FAM114A2: variants seen among roughly 807,000 people sequenced by gnomAD.
FAM114A2 encodes protein FAM114A2.
FAM114A2 carries 53 observed loss-of-function variants against 58.4 expected under a neutral mutation model. The ratio of observed to expected loss-of-function variants is 0.91; its 90% CI spans 0.73 to 1.14. FAM114A2 has a LOEUF of 1.14. Ranked by LOEUF, FAM114A2 falls within the 50% of genes most tolerant of loss-of-function variation. The probability of loss-of-function intolerance (pLI) is 0.00; values close to 1 mark genes in which losing one functional copy is unlikely to be tolerated. For synonymous variants in FAM114A2, 228 were observed against 211.4 expected, an observed-to-expected ratio of 1.08 and a Z score of -0.68; for missense variants, 601 against 581.1, an observed-to-expected ratio of 1.03 and a Z score of -0.35.
At chr5:154,022,103 G>A (rs879814797) in intron 8 of FAM114A2, among the ~76,000 whole-genome samples, 27 of 152,178 alleles carry the variant, frequency 1.8e-4, no homozygotes, top group Non-Finnish European at 3.7e-4. Context: ...GGAGAAAGCT[G>A]AAACTGGATC....
intron 8 of FAM114A2, among the ~76,000 whole-genome samples, chr5:154,013,731 T>G (rs1281925057): frequency 6.6e-6 from 1 of 152,214 alleles, no homozygotes; most frequent in Admixed American, 6.5e-5. Flanking sequence ...AGGACTGTCA[T>G]GTCAAGGCTT....
At chr5:154,033,913 T>C (rs779062930) in intron 3 of FAM114A2, 30 bp from the exon 4 acceptor site, 1 of 1,389,318 alleles carries the variant, frequency 7.2e-7, no homozygotes, top group Non-Finnish European at 1.0e-6. Flanking sequence ...TTTTTTTTGC[T>C]ATTTGTCACC....
rs772946544 is a variant in FAM114A2, at chr5:154,027,336, TAA to T, written c.631-4_631-3del. ...TTTCTCCTTCGCCTCTCGTAAAACC[TAA>T]AAAGAGATGGAGGCATTACACTGTA... On this transcript the variant is annotated splice_polypyrimidine_tract_variant and splice_region_variant and intron_variant, in intron 6 of 13. Transcript: ENST00000351797. 2 of 1,607,746 alleles carry T rather than the reference TAA, an allele frequency of 1.2e-6. No individual in the cohort carries two copies. Among genetic ancestry groups the T allele is most frequent in the South Asian group, 2.2e-5 (2 of 89,860 alleles).
rs540576105 is a variant in FAM114A2 at position 154,017,286 on chromosome 5, T to C, written c.914-5966A>G. On this transcript the variant is annotated intron_variant, in intron 8 of 13. Coordinates refer to ENST00000351797, the MANE Select transcript of FAM114A2 (RefSeq NM_018691.4). ...AGAGAAACCCCGTCTCTACTAAAAA[T>C]ACAAAATTAGCCAGGCGTGGTGGCA... 1.2e-4 allele frequency among the ~76,000 whole-genome samples: 18 copies of C among 152,040 alleles called. No individual in the cohort carries two copies. In the South Asian group the frequency reaches 3.7e-3, roughly 32 times the overall value.
intron 1 of FAM114A2, chr5:154,038,612 TG>T (rs1772767282): frequency 6.6e-6 from 1 of 152,234 alleles, no homozygotes; most frequent in Non-Finnish European, 1.5e-5. Context: ...CATTCAAGAA[TG>T]GGGTCCCAAA....
rs781782618 is a variant in FAM114A2, at chr5:154,028,137, G to A, written c.630+12C>T. ...CAGAAACAGGAAGTAAACAGGTAAG[G>A]ATAATCAGTACCTGAGATAGTGTAG... On this transcript the variant is annotated intron_variant, in intron 6 of 13. Transcript: ENST00000351797. The A allele has an allele frequency of 6.2e-7, 1 of 1,602,012 alleles. No homozygotes were observed. Among genetic ancestry groups the A allele is most frequent in the South Asian group, 1.1e-5 (1 of 89,468 alleles).
Position 154,002,927 on chromosome 5 carries a change from TGGTCAGA to T in FAM114A2, c.1029_1035del (p.Leu344SerfsTer3). The T allele has an allele frequency of 6.2e-7, 1 of 1,613,956 alleles. No homozygotes were observed. The highest frequency in any genetic ancestry group is 8.5e-7 in the Non-Finnish European group (1 of 1,179,852). On this transcript the variant is annotated frameshift_variant, in exon 10 of 14. Coordinates refer to ENST00000351797, the MANE Select transcript of FAM114A2 (RefSeq NM_018691.4). LOFTEE classifies it high-confidence loss of function. ...CCTTCTTCATTCTCTGCTAATGGCT[TGGTCAGA>T]GACTTCCTGATCCATTCGTGGGCGG... is the stretch of plus-strand genomic sequence containing the variant.
chr5:154,006,982 A>G (rs1408609086), intron 9 of FAM114A2, among the ~76,000 whole-genome samples: 1 of 151,968 alleles, frequency 6.6e-6, no homozygotes, highest in African/African-American at 2.4e-5. Context: ...GTTTTAATAC[A>G]GACGGAGTTT....
At chr5:154,016,280 A>G (rs1419984577) in intron 8 of FAM114A2, among the ~76,000 whole-genome samples, 1 of 152,224 alleles carries the variant, frequency 6.6e-6, no homozygotes, top group African/African-American at 2.4e-5. Flanking sequence ...TGGGAAATTC[A>G]TCGCAAAAAG....
In FAM114A2 at chr5:153,992,911, G is replaced by C. The variant is rs1250874074; in HGVS notation, c.*65C>G. On this transcript the variant is annotated 3_prime_UTR_variant, in exon 14 of 14. Coordinates refer to ENST00000351797, the MANE Select transcript of FAM114A2 (RefSeq NM_018691.4). ...TAACCCCACTCCTTCATTTCTGCAG[G>C]AGTAGCCAGAATAAGGTGGCATTCC... 2 of 1,462,340 alleles carry C rather than the reference G, an allele frequency of 1.4e-6. No individual in the cohort carries two copies. The highest frequency in any genetic ancestry group is 1.9e-6 in the Non-Finnish European group (2 of 1,062,006). 90.6% of individuals were successfully genotyped at this position (1,462,340 alleles called of 1,614,324 possible). A position where few individuals can be genotyped will look rare whatever the true frequency, so the allele number is the denominator to read the frequency against.
Position 154,027,193 on chromosome 5 carries a change from G to A in FAM114A2, c.772C>T (p.Gln258Ter). 1 of 1,608,896 alleles carries A rather than the reference G, an allele frequency of 6.2e-7. No individual in the cohort carries two copies. The highest frequency in any genetic ancestry group is 8.5e-7 in the Non-Finnish European group (1 of 1,178,454). ...SHLEALEMLS[Q>*]ESEIKVKSIL... Reference sequence around the variant, plus strand: ...GGAATTACCTTTATTTCACTTTCTTGGGAAAGCATCTCCAGAGCTTCTAGA... The same window carrying A: ...GGAATTACCTTTATTTCACTTTCTTAGGAAAGCATCTCCAGAGCTTCTAGA... The change falls in exon 7 of 14, where the codon CAA (glutamine) becomes TAA (stop). Residue 258 changes from glutamine to a stop codon, truncating the protein, a stop_gained. Transcript: ENST00000351797. LOFTEE classifies it high-confidence loss of function.
chr5:154,026,425 C>T lies in FAM114A2; in HGVS notation c.887G>A (p.Cys296Tyr). ...TTTTTTCTCTTCTTCCTCTTCTTCA[C>T]AAAATTCTGCTAGAGAAAATGTTTC... ...LKETFSLAEF[C>Y]EEEEEEKKGD... The change falls in exon 8 of 14, where the codon TGT becomes TAT. Residue 296 changes from cysteine to tyrosine, a missense_variant. By Grantham distance (194) the Cys-to-Tyr change is radical. Transcript: ENST00000351797. 6.3e-7 allele frequency: 1 copy of T among 1,579,032 alleles called. No homozygotes were observed. Among genetic ancestry groups the T allele is most frequent in the South Asian group, 1.2e-5 (1 of 84,662 alleles).
At chr5:154,034,688 AT>A in intron 2 of FAM114A2, 55 bp downstream of exon 2, 1 of 1,311,252 alleles carries the variant, frequency 7.6e-7, no homozygotes, top group East Asian at 2.3e-5. Context: ...TAGCCCCAAC[AT>A]TTTTTAATCC....
chr5:154,033,683 C>A, intron 4 of FAM114A2, 108 bp downstream of exon 4: 1 of 662,650 alleles, frequency 1.5e-6, no homozygotes, highest in Non-Finnish European at 2.7e-6. Flanking sequence ...TCACTACAGT[C>A]CCACGATGCC....
Position 153,993,096 on chromosome 5 carries a change from G to A in FAM114A2, c.1398C>T (p.Ala466=). 1.1e-5 allele frequency: 18 copies of A among 1,608,948 alleles called. No homozygotes were observed. Among genetic ancestry groups the A allele is most frequent in the Non-Finnish European group, 1.5e-5 (18 of 1,177,224 alleles). Residue 466 remains alanine, a synonymous_variant, in exon 14 of 14, where the codon GCC becomes GCT. Coordinates refer to ENST00000351797, the MANE Select transcript of FAM114A2 (RefSeq NM_018691.4). ...TAVFLEASNS[A]SYIQDAFQLL... ...GCTGAAAGGCGTCCTGGATGTAGGA[G>A]GCACTGTTTGATGCCTGCCAGGATT...
chr5:153,994,763 T>A (rs1462523704), intron 13 of FAM114A2, 156 bp downstream of exon 13: 2 of 582,152 alleles, frequency 3.4e-6, no homozygotes, highest in Non-Finnish European at 6.1e-6. Flanking sequence ...AAGGAAGGAA[T>A]ACACATCAAA....
At position 154,011,406 on chromosome 5, in the gene FAM114A2, G is replaced by T. The variant is rs1246483332; in HGVS notation, c.914-86C>A. 6.2e-6 allele frequency: 5 copies of T among 805,646 alleles called. No homozygotes were observed. In the East Asian group the frequency reaches 1.2e-4, roughly 20 times the overall value. 49.9% of individuals were successfully genotyped at this position (805,646 alleles called of 1,614,324 possible). The stretch of plus-strand genomic sequence containing the variant: ...AGGCGAGGAGGAAGAGGAGAGGAGT[G>T]GTAATAGCAGTGACAGTAGTAGTAA... On this transcript the variant is annotated intron_variant, in intron 8 of 13. Transcript: ENST00000351797.
intron 6 of FAM114A2, among the ~76,000 whole-genome samples, chr5:154,027,842 C>T (rs943323260): frequency 6.6e-6 from 1 of 152,044 alleles, no homozygotes; most frequent in African/African-American, 2.4e-5. Flanking sequence ...ACCCAAGGAA[C>T]CAGGTGTTTC....
chr5:154,024,295 TA>T (rs915480384), intron 8 of FAM114A2, among the ~76,000 whole-genome samples: 1 of 152,128 alleles, frequency 6.6e-6, no homozygotes, highest in African/African-American at 2.4e-5. Flanking sequence ...CATATACATA[TA>T]AAAAGTTATA....
Sources: gnomAD v4.1 joint callset for allele counts (sites outside exome capture counted in the v4.1 genomes callset) on GRCh38, gnomAD v4.1.1 for gene constraint, MANE v1.5 for transcripts, NCBI Gene and HGNC (gene_info 2026-07-23, HGNC 2026-07-21) for gene names.